The following FPR2 variants were observed in gnomAD, a reference collection of about 807,000 sequenced individuals.
The protein encoded by FPR2 is N-formyl peptide receptor 2.
Under a neutral mutation model 4.0 loss-of-function variants are expected in FPR2, and 3 were observed. The ratio of observed to expected loss-of-function variants is 0.74; its 90% CI spans 0.34 to 1.92. The LOEUF (loss-of-function observed/expected upper bound fraction) is 1.92. Among genes scored for constraint, FPR2 ranks in the 30% most tolerant of loss-of-function variants. The pLI is 0.07. For missense variants in FPR2, 372 were observed against 435.7 expected, an observed-to-expected ratio of 0.85 and a Z score of 1.30; for synonymous variants, 179 against 171.5, an observed-to-expected ratio of 1.04 and a Z score of -0.34.
At chr19:51,761,525 T>A (rs922983596) in intron 1 of FPR2, among the ~76,000 whole-genome samples, 2 of 152,220 alleles carry the variant, frequency 1.3e-5, no homozygotes, top group African/African-American at 4.8e-5. Context: ...ATTATTATAA[T>A]TAATTTCTCC....
In FPR2 at chr19:51,769,320, A is replaced by G. The variant is rs2083887430; in HGVS notation, c.662A>G (p.Tyr221Cys). 3 of 1,614,170 alleles carry G rather than the reference A, an allele frequency of 1.9e-6. No individual in the cohort carries two copies. The highest frequency in any genetic ancestry group is 2.2e-5 in the South Asian group (2 of 91,086). ...SLPMSIVAIC[Y>C]GLIAAKIHKK... The stretch of plus-strand genomic sequence containing the variant: ...CCGATGTCCATTGTTGCCATCTGCT[A>G]TGGGCTCATTGCAGCCAAGATCCAC... The change falls in exon 2 of 2, where the codon TAT becomes TGT. Residue 221 changes from tyrosine to cysteine, a missense_variant. By Grantham distance (194) the Tyr-to-Cys change is radical. Coordinates refer to ENST00000340023, the MANE Select transcript of FPR2 (RefSeq NM_001005738.2). This position sits in a 1 kb window ranked among gnomAD's most constrained non-coding sequence, Gnocchi z 4.4.
chr19:51,763,097 A>G (rs1282530481), intron 1 of FPR2: 1 of 152,196 alleles, frequency 6.6e-6, no homozygotes, highest in African/African-American at 2.4e-5. Context: ...ATCAGACTGG[A>G]GCACCAGAGA....
In FPR2 at chr19:51,769,294, G is replaced by A. The variant is rs767954411; in HGVS notation, c.636G>A (p.Leu212=). The change falls in exon 2 of 2, where the codon TTG becomes TTA. Residue 212 remains leucine, a synonymous_variant. Transcript: ENST00000340023. This position sits in a 1 kb window ranked among gnomAD's most constrained non-coding sequence, Gnocchi z 4.4. ...TCCGGTTTGTCATTGGCTTTAGCTT[G>A]CCGATGTCCATTGTTGCCATCTGCT... ...GIIRFVIGFS[L]PMSIVAICYG... 6.2e-7 allele frequency: 1 copy of A among 1,614,198 alleles called. No individual in the cohort carries two copies. Among genetic ancestry groups the A allele is most frequent in the Middle Eastern group, 1.6e-4 (1 of 6,062 alleles).
chr19:51,764,083 G>T (rs1481856324), intron 1 of FPR2, among the ~76,000 whole-genome samples: 1 of 152,100 alleles, frequency 6.6e-6, no homozygotes, highest in Admixed American at 6.6e-5. Flanking sequence ...TTTAAAGGGA[G>T]GGGATATGAT....
At chr19:51,764,036 G>C (rs1275285175) in intron 1 of FPR2, among the ~76,000 whole-genome samples, 1 of 152,192 alleles carries the variant, frequency 6.6e-6, no homozygotes, top group African/African-American at 2.4e-5. Context: ...TGGGATTACA[G>C]GTGTGAGCCA....
chr19:51,768,554 G>T, intron 1 of FPR2, 91 bp from the exon 2 acceptor site: 1 of 1,020,758 alleles, frequency 9.8e-7, no homozygotes. Flanking sequence ...GGTAGGAGTG[G>T]GAGCTTTAGT....
chr19:51,768,070 A>T (rs1219496694), intron 1 of FPR2, among the ~76,000 whole-genome samples: 1 of 152,116 alleles, frequency 6.6e-6, no homozygotes, highest in Non-Finnish European at 1.5e-5. Flanking sequence ...TCCTCAGGAT[A>T]TAACATACTA....
intron 1 of FPR2, among the ~76,000 whole-genome samples, chr19:51,766,511 G>A (rs1469031968): frequency 6.6e-6 from 1 of 152,180 alleles, no homozygotes; most frequent in Non-Finnish European, 1.5e-5. Flanking sequence ...ACTGGTAATA[G>A]CAGGAAGAAA....
At chr19:51,765,386 A>G (rs1386888890) in intron 1 of FPR2, among the ~76,000 whole-genome samples, 3 of 152,228 alleles carry the variant, frequency 2.0e-5, no homozygotes, top group Non-Finnish European at 4.4e-5. Flanking sequence ...TGGTTATACT[A>G]ATTATCAGGC....
At position 51,769,225 on chromosome 19, in the gene FPR2, G is replaced by C. The variant is rs1215527370; in HGVS notation, c.567G>C (p.Glu189Asp). 6.2e-7 allele frequency: 1 copy of C among 1,614,208 alleles called. No homozygotes were observed. The highest frequency in any genetic ancestry group is 1.1e-5 in the South Asian group (1 of 91,088). ...CATCCTGGGGTGGCACCCCTGAGGAGAGGCTGAAGGTGGCCATTACCATGC... is the reference window on the plus strand; with the variant it reads ...CATCCTGGGGTGGCACCCCTGAGGACAGGCTGAAGGTGGCCATTACCATGC... ...NFASWGGTPE[E>D]RLKVAITMLT... is the part of the protein sequence containing the mutation. The change falls in exon 2 of 2, where the codon GAG becomes GAC. Residue 189 changes from glutamate to aspartate, a missense_variant. Coordinates refer to ENST00000340023, the MANE Select transcript of FPR2 (RefSeq NM_001005738.2). This position sits in a 1 kb window ranked among gnomAD's most constrained non-coding sequence, Gnocchi z 4.4.
chr19:51,763,862 G>A (rs1175299841), intron 1 of FPR2, among the ~76,000 whole-genome samples: 3 of 152,106 alleles, frequency 2.0e-5, no homozygotes, highest in South Asian at 2.1e-4. Context: ...GTGTTCAAGA[G>A]GTCTTCCTGC....
intron 1 of FPR2, among the ~76,000 whole-genome samples, chr19:51,764,821 T>C (rs546397372): frequency 2.0e-5 from 3 of 152,264 alleles, no homozygotes; most frequent in Admixed American, 1.3e-4. Flanking sequence ...TCCTTCCTTG[T>C]TGCATCAACA....
At position 51,769,129 on chromosome 19, in the gene FPR2, C is replaced by T. The variant is rs1446169144; in HGVS notation, c.471C>T (p.Thr157=). 1.2e-6 allele frequency: 2 copies of T among 1,614,070 alleles called. No individual in the cohort carries two copies. The highest frequency in any genetic ancestry group is 1.7e-6 in the Non-Finnish European group (2 of 1,180,058). The change falls in exon 2 of 2, where the codon ACC becomes ACT. Residue 157 remains threonine, a synonymous_variant. Coordinates refer to ENST00000340023, the MANE Select transcript of FPR2 (RefSeq NM_001005738.2). The surrounding 1 kb of genome is among the most constrained non-coding windows in gnomAD (Gnocchi z 4.4). ...CTTGGATTCTTGCTCTAGTCCTTAC[C>T]TTGCCAGTTTTCCTCTTTTTGACTA... ...VGPWILALVL[T]LPVFLFLTTV... is the part of the protein sequence containing the mutation.
At chr19:51,763,641 G>T (rs969239627) in intron 1 of FPR2, 1 of 152,234 alleles carries the variant, frequency 6.6e-6, no homozygotes, top group African/African-American at 2.4e-5. Context: ...TTCATAGAAA[G>T]AATTCTCTCA....
intron 1 of FPR2, among the ~76,000 whole-genome samples, chr19:51,766,022 C>T (rs971132578): frequency 1.3e-5 from 2 of 152,164 alleles, no homozygotes; most frequent in South Asian, 2.1e-4. Flanking sequence ...CGGGTTCAAG[C>T]GATTCTCCTG....
intron 1 of FPR2, among the ~76,000 whole-genome samples, chr19:51,766,296 A>T (rs1381179037): frequency 6.6e-6 from 1 of 152,160 alleles, no homozygotes; most frequent in Non-Finnish European, 1.5e-5. Context: ...GACAATGTTT[A>T]TGGAACCTGT....
At position 51,769,839 on chromosome 19, in the gene FPR2, T is replaced by C; in HGVS notation, c.*125T>C. 1 of 773,838 alleles carries C rather than the reference T, an allele frequency of 1.3e-6. No homozygotes were observed. The highest frequency in any genetic ancestry group is 2.7e-5 in the East Asian group (1 of 37,106). The allele number at this position is 773,838 out of a possible 1,614,324, so 47.9% of individuals were successfully genotyped here. ...AGCTCAAGTATTTATTCAGGAAAAA[T>C]GCTTTTGTGTCCCTGATTTGGGGCT... is the stretch of plus-strand genomic sequence containing the variant. On this transcript the variant is annotated 3_prime_UTR_variant, in exon 2 of 2. Transcript: ENST00000340023. The surrounding 1 kb of genome is among the most constrained non-coding windows in gnomAD (Gnocchi z 4.4).
At position 51,769,304 on chromosome 19, in the gene FPR2, A is replaced by C; in HGVS notation, c.646A>C (p.Ile216Leu). ...FVIGFSLPMS[I>L]VAICYGLIAA... Reference sequence around the variant, plus strand: ...CATTGGCTTTAGCTTGCCGATGTCCATTGTTGCCATCTGCTATGGGCTCAT... The same window carrying C: ...CATTGGCTTTAGCTTGCCGATGTCCCTTGTTGCCATCTGCTATGGGCTCAT... The change falls in exon 2 of 2, where the codon ATT (isoleucine) becomes CTT (leucine). Residue 216 changes from isoleucine (I) to leucine (L), a missense_variant. Ile to Leu is a conservative substitution (Grantham distance 5). Coordinates refer to ENST00000340023, the MANE Select transcript of FPR2 (RefSeq NM_001005738.2). The surrounding 1 kb of genome is among the most constrained non-coding windows in gnomAD (Gnocchi z 4.4). The C allele has an allele frequency of 1.2e-6, 2 of 1,614,140 alleles. No homozygotes were observed. Among genetic ancestry groups the C allele is most frequent in the South Asian group, 2.2e-5 (2 of 91,086 alleles).
At chr19:51,767,304 G>C (rs1425698524) in intron 1 of FPR2, among the ~76,000 whole-genome samples, 3 of 152,200 alleles carry the variant, frequency 2.0e-5, no homozygotes, top group Admixed American at 2.0e-4. Flanking sequence ...GTGGGACTTT[G>C]TGTTGAACTG....
Sources: gnomAD v4.1 joint callset for allele counts (sites outside exome capture counted in the v4.1 genomes callset) on GRCh38, gnomAD v4.1.1 for gene constraint, Gnocchi (gnomAD v3.1) non-coding constraint, MANE v1.5 for transcripts, NCBI Gene and HGNC (gene_info 2026-07-23, HGNC 2026-07-21) for gene names.